PCDHGA5: variants seen among roughly 807,000 people sequenced by gnomAD.
The protein encoded by PCDHGA5 is protocadherin gamma-A5.
PCDHGA5 carries 36 observed loss-of-function variants against 56.7 expected under a neutral mutation model. The ratio of observed to expected loss-of-function variants is 0.64; its 90% CI spans 0.49 to 0.84. The LOEUF (loss-of-function observed/expected upper bound fraction) is 0.84, where lower values mean the gene tolerates loss of function less well. PCDHGA5 is among the 40% of genes least tolerant of loss of function. The pLI is 0.00. For synonymous variants in PCDHGA5, 563 were observed against 520.2 expected (o/e 1.08, Z -1.12); for missense variants, 1,305 against 1,201.5 (o/e 1.09, Z -1.27).
rs548263490 is a variant in PCDHGA5, at chr5:141,390,417, A to G, written c.2421+23666A>G. On this transcript the variant is annotated intron_variant, in intron 1 of 3. Transcript: ENST00000518069. ...CATTTTAGGAAAGTTGTAGTCAGTT[A>G]AAAAGCTGTCATATCATTCTACAAA... 4 of 1,127,796 alleles carry G rather than the reference A, an allele frequency of 3.5e-6. No homozygotes were observed. The South Asian group carries it at 4.8e-5, about 13-fold the overall frequency. 69.9% of individuals were successfully genotyped at this position (1,127,796 alleles called of 1,614,324 possible). A position where few individuals can be genotyped will look rare whatever the true frequency, so the allele number is the denominator to read the frequency against.
Position 141,476,996 on chromosome 5 carries a change from C to T in PCDHGA5, c.2422-17811C>T. The T allele has an allele frequency of 6.2e-7, 1 of 1,614,250 alleles. No homozygotes were observed. Among genetic ancestry groups the T allele is most frequent in the Non-Finnish European group, 8.5e-7 (1 of 1,180,052 alleles). On this transcript the variant is annotated intron_variant, in intron 1 of 3. Coordinates refer to ENST00000518069, the MANE Select transcript of PCDHGA5 (RefSeq NM_018918.3). The surrounding 1 kb of genome is among the most constrained non-coding windows in gnomAD (Gnocchi z 7.6). ...CCACAACCGCGCCGGCGTGCGGCAA[C>T]TATTCGCCTTAGACCTTGTAACCGG...
intron 1 of PCDHGA5, among the ~76,000 whole-genome samples, chr5:141,457,343 T>C (rs1372992422): frequency 6.6e-6 from 1 of 152,240 alleles, no homozygotes; most frequent in African/African-American, 2.4e-5. Flanking sequence ...TTACTTACTT[T>C]CATTACCTGG....
At chr5:141,402,947 G>A in intron 1 of PCDHGA5, 1 of 1,592,724 alleles carries the variant, frequency 6.3e-7, no homozygotes, top group South Asian at 1.1e-5. Flanking sequence ...CCAAAGCGAG[G>A]CAGCAATGGC....
chr5:141,397,273 T>C (rs1324330524), intron 1 of PCDHGA5, among the ~76,000 whole-genome samples: 5 of 152,184 alleles, frequency 3.3e-5, no homozygotes, highest in Non-Finnish European at 1.5e-5. Flanking sequence ...CTACATCATA[T>C]GGGCAGTATA....
chr5:141,385,182 G>T (rs374159387), intron 1 of PCDHGA5: 2 of 1,614,138 alleles, frequency 1.2e-6, no homozygotes, highest in Non-Finnish European at 8.5e-7. Flanking sequence ...CCCTCACCGC[G>T]GACTCTCGGA....
At position 141,393,564 on chromosome 5, in the gene PCDHGA5, G is replaced by A; in HGVS notation, c.2421+26813G>A. On this transcript the variant is annotated intron_variant, in intron 1 of 3. Coordinates refer to ENST00000518069, the MANE Select transcript of PCDHGA5 (RefSeq NM_018918.3). ...TCCTCACCCGATTTACCGAGTGAAA[G>A]TCCTTGAGAACATGCCCCCAGGCAC... is the stretch of plus-strand genomic sequence containing the variant. 1 of 1,613,932 alleles carries A rather than the reference G, an allele frequency of 6.2e-7. No individual in the cohort carries two copies. Among genetic ancestry groups the A allele is most frequent in the Non-Finnish European group, 8.5e-7 (1 of 1,179,894 alleles).
chr5:141,393,003 G>A (rs1202314944), intron 1 of PCDHGA5: 1 of 1,613,882 alleles, frequency 6.2e-7, no homozygotes, highest in East Asian at 2.2e-5. Flanking sequence ...GAAGCACGGA[G>A]TCCGTATCGT....
In PCDHGA5 at chr5:141,487,000, G is replaced by A. The variant is rs1410493699; in HGVS notation, c.2422-7807G>A. On this transcript the variant is annotated intron_variant, in intron 1 of 3. Transcript: ENST00000518069. The surrounding 1 kb of genome is among the most constrained non-coding windows in gnomAD (Gnocchi z 5.0). ...GTTACAATGCTTGGGTTTCCTATCA[G>A]CTCCTGGAGGCCCCAGATCCCAGCC... The A allele has an allele frequency of 6.2e-7, 1 of 1,614,194 alleles. No homozygotes were observed. The highest frequency in any genetic ancestry group is 8.5e-7 in the Non-Finnish European group (1 of 1,180,036).
chr5:141,384,682 G>A (rs1780361260), intron 1 of PCDHGA5: 1 of 1,614,222 alleles, frequency 6.2e-7, no homozygotes, highest in African/African-American at 1.3e-5. Context: ...GGTGGCGGTG[G>A]ACAAAGATTC....
chr5:141,409,690 A>T (rs778962490), intron 1 of PCDHGA5: 1 of 1,613,354 alleles, frequency 6.2e-7, no homozygotes, highest in South Asian at 1.1e-5. Context: ...CGAGTGACCT[A>T]GAGCCCCTGG....
intron 1 of PCDHGA5, chr5:141,420,034 C>T (rs373590502): frequency 7.8e-5 from 126 of 1,613,970 alleles, no homozygotes; most frequent in Non-Finnish European, 9.3e-5. Context: ...CTGCAGGAGA[C>T]TGCTTTGAGT....
intron 1 of PCDHGA5, chr5:141,419,669 C>T: frequency 6.2e-7 from 1 of 1,612,840 alleles, no homozygotes; most frequent in Non-Finnish European, 8.5e-7. Context: ...CAATGCCTGG[C>T]TGTCCTACCA....
chr5:141,372,452 G>A (rs757526253), intron 1 of PCDHGA5: 14 of 1,613,920 alleles, frequency 8.7e-6, no homozygotes, highest in East Asian at 6.7e-5. Flanking sequence ...ACCCTCAGGC[G>A]GAGCTACAGT....
chr5:141,413,445 C>A (rs764464917), intron 1 of PCDHGA5: 1 of 1,613,986 alleles, frequency 6.2e-7, no homozygotes, highest in Admixed American at 1.7e-5. Flanking sequence ...GCTTGATCAC[C>A]GCGGGCAGGA....
rs932721053 is a variant in PCDHGA5 at position 141,398,645 on chromosome 5, C to G, written c.2421+31894C>G. 1.3e-5 allele frequency: 21 copies of G among 1,613,938 alleles called. No homozygotes were observed. In the Admixed American group the frequency reaches 3.3e-4, roughly 26 times the overall value. The stretch of plus-strand genomic sequence containing the variant: ...AACTCTCTGCAGAAGTATAAACTCT[C>G]TCTTAACCCAAGTTTCTCATTAATA... On this transcript the variant is annotated intron_variant, in intron 1 of 3. Coordinates refer to ENST00000518069, the MANE Select transcript of PCDHGA5 (RefSeq NM_018918.3).
Position 141,511,590 on chromosome 5 carries a change from A to C in PCDHGA5, c.*417A>C, listed in dbSNP as rs2099883868. On this transcript the variant is annotated 3_prime_UTR_variant, in exon 4 of 4. Transcript: ENST00000518069. ...AGTAAGGTGGTTGGGGTGTTGAAGT[A>C]CCAAGTAACCTACAAGCCTCCTAGT... The C allele has an allele frequency of 3.7e-6, 1 of 267,790 alleles. No homozygotes were observed. Among genetic ancestry groups the C allele is most frequent in the Admixed American group, 4.8e-5 (1 of 20,946 alleles). The allele number at this position is 267,790 out of a possible 1,614,324, so 16.6% of individuals were successfully genotyped here.
In PCDHGA5 at chr5:141,364,805, G is replaced by A. The variant is rs1763547717; in HGVS notation, c.475G>A (p.Asp159Asn). The change falls in exon 1 of 4, where the codon GAT (aspartate) becomes AAT (asparagine). Residue 159 changes from aspartate (D) to asparagine (N), a missense_variant. Asp to Asn is a conservative substitution (Grantham distance 23). Transcript: ENST00000518069. ...GTRLVLPFAR[D>N]ADVGVNSLRS... ...ACGGTTAGTGCTTCCCTTCGCGCGGGATGCGGATGTGGGTGTGAACTCTCT... is the reference window on the plus strand; with the variant it reads ...ACGGTTAGTGCTTCCCTTCGCGCGGAATGCGGATGTGGGTGTGAACTCTCT... 1 of 1,614,018 alleles carries A rather than the reference G, an allele frequency of 6.2e-7. No individual in the cohort carries two copies. The highest frequency in any genetic ancestry group is 8.5e-7 in the Non-Finnish European group (1 of 1,179,896).
intron 1 of PCDHGA5, chr5:141,410,687 T>C: frequency 6.6e-7 from 1 of 1,518,632 alleles, no homozygotes; most frequent in Non-Finnish European, 8.8e-7. Flanking sequence ...TTAGGCATAC[T>C]ACTTTATTTT....
At chr5:141,410,676 T>G in intron 1 of PCDHGA5, 1 of 1,550,692 alleles carries the variant, frequency 6.4e-7, no homozygotes, top group African/African-American at 1.4e-5. Flanking sequence ...TTTCTCATAT[T>G]TTAGGCATAC....
Sources: gnomAD v4.1 joint callset for allele counts (sites outside exome capture counted in the v4.1 genomes callset) on GRCh38, gnomAD v4.1.1 for gene constraint, Gnocchi (gnomAD v3.1) non-coding constraint, MANE v1.5 for transcripts, NCBI Gene and HGNC (gene_info 2026-07-23, HGNC 2026-07-21) for gene names.